Variants in RASGRF1 observed in about 807,000 individuals in gnomAD.
The protein encoded by RASGRF1 is ras-specific guanine nucleotide-releasing factor 1.
A neutral mutation model predicts 138.7 loss-of-function variants in RASGRF1; 40 were observed. The observed-to-expected ratio is 0.29, with a 90% CI of 0.22 to 0.38. The LOEUF (loss-of-function observed/expected upper bound fraction) is 0.38, where lower values mean the gene tolerates loss of function less well. Ranked by LOEUF, RASGRF1 falls within the 10% of genes least tolerant of loss-of-function variation. The pLI, the probability that RASGRF1 is intolerant of heterozygous loss-of-function variation, is 1.00. For synonymous variants in RASGRF1, 614 were observed against 663.2 expected, an observed-to-expected ratio of 0.93 and a Z score of 1.14; for missense variants, 1,108 against 1,650.4, an observed-to-expected ratio of 0.67 and a Z score of 5.69.
rs1265424204 is a variant in RASGRF1 at position 79,032,940 on chromosome 15, T to C, written c.959-624A>G. ...TGAGACAGAAGTGGCCTATCTGAGG[T>C]CACAGGGCAAGTCAGCAGCCGGCCT... On this transcript the variant is annotated intron_variant, in intron 6 of 26. Coordinates refer to ENST00000558480, the MANE Select transcript of RASGRF1 (RefSeq NM_001145648.3). The surrounding 1 kb of genome is among the most constrained non-coding windows in gnomAD (Gnocchi z 4.5). 6.6e-6 allele frequency among the ~76,000 whole-genome samples: 1 copy of C among 152,138 alleles called. No homozygotes were observed. The highest frequency in any genetic ancestry group is 1.9e-4 in the East Asian group (1 of 5,188).
At chr15:79,066,398 C>T (rs2057681438) in intron 1 of RASGRF1, among the ~76,000 whole-genome samples, 1 of 152,194 alleles carries the variant, frequency 6.6e-6, no homozygotes, top group African/African-American at 2.4e-5. Flanking sequence ...GCAAAGTCCC[C>T]ACCTCAGGGA....
At chr15:78,985,335 A>G (rs889471831) in intron 22 of RASGRF1, 131 bp from the exon 23 acceptor site, 3 of 990,246 alleles carry the variant, frequency 3.0e-6, no homozygotes, top group Non-Finnish European at 4.4e-6. Context: ...GAGAACAACT[A>G]ACAGAGCTTG....
In RASGRF1 at chr15:79,047,018, G is replaced by C; in HGVS notation, c.625-19C>G. 11 of 1,602,792 alleles carry C rather than the reference G, an allele frequency of 6.9e-6. No homozygotes were observed. The highest frequency in any genetic ancestry group is 9.4e-6 in the Non-Finnish European group (11 of 1,174,258). ...TCTGCACCTGAGCAGCAAGACCGGT[G>C]GGGAGAGGCTCCTGTCAGGGAGTCT... is the stretch of plus-strand genomic sequence containing the variant. On this transcript the variant is annotated intron_variant, in intron 4 of 26. Transcript: ENST00000558480.
chr15:78,978,923 C>T, intron 24 of RASGRF1: 3 of 1,272,252 alleles, frequency 2.4e-6, no homozygotes, highest in Non-Finnish European at 3.1e-6. Flanking sequence ...GGGAGAGACA[C>T]TTACACGGGC....
intron 13 of RASGRF1, among the ~76,000 whole-genome samples, chr15:79,008,615 G>A (rs1193108898): frequency 6.6e-6 from 1 of 152,184 alleles, no homozygotes; most frequent in Non-Finnish European, 1.5e-5. Flanking sequence ...GACGGATGCA[G>A]CAAATGGCAG....
At chr15:79,028,798 T>C (rs1418343816) in intron 8 of RASGRF1, among the ~76,000 whole-genome samples, 2 of 152,258 alleles carry the variant, frequency 1.3e-5, no homozygotes, top group Non-Finnish European at 2.9e-5. Flanking sequence ...GGCTGGTTAA[T>C]ATGTGCGGCT....
At chr15:78,962,648 T>A (rs949548462) in intron 26 of RASGRF1, among the ~76,000 whole-genome samples, 3 of 152,180 alleles carry the variant, frequency 2.0e-5, no homozygotes, top group African/African-American at 7.2e-5. Context: ...TTTGGGAGGC[T>A]GAGGCAGGAG....
chr15:79,047,345 C>T (rs890706222), intron 4 of RASGRF1, among the ~76,000 whole-genome samples: 2 of 152,180 alleles, frequency 1.3e-5, no homozygotes, highest in Non-Finnish European at 2.9e-5. Context: ...TTTAACAAGA[C>T]CCCTGGGTTG....
chr15:79,049,834 G>A (rs1163379633), intron 3 of RASGRF1, among the ~76,000 whole-genome samples: 1 of 152,166 alleles, frequency 6.6e-6, no homozygotes, highest in Non-Finnish European at 1.5e-5. Context: ...GGCCAGCTGG[G>A]CTGCCCAACC....
At chr15:79,018,183 C>T (rs1435739590) in intron 11 of RASGRF1, among the ~76,000 whole-genome samples, 1 of 152,270 alleles carries the variant, frequency 6.6e-6, no homozygotes, top group Non-Finnish European at 1.5e-5. Flanking sequence ...GCCCTCATTA[C>T]ACCAATGGAG....
chr15:79,005,785 C>T (rs1351076973), intron 14 of RASGRF1: 1 of 314,038 alleles, frequency 3.2e-6, no homozygotes, highest in African/African-American at 2.3e-5. Flanking sequence ...TTCTTTCTCC[C>T]TCTCCCTCTC....
intron 8 of RASGRF1, among the ~76,000 whole-genome samples, chr15:79,030,810 C>T (rs1476162512): frequency 6.6e-6 from 1 of 152,268 alleles, no homozygotes; most frequent in African/African-American, 2.4e-5. Flanking sequence ...TGGATGACCA[C>T]AGTCATCTGC....
chr15:78,982,757 C>T (rs1246575823), intron 23 of RASGRF1, among the ~76,000 whole-genome samples: 4 of 152,112 alleles, frequency 2.6e-5, no homozygotes, highest in African/African-American at 9.7e-5. Flanking sequence ...AGGCCAAAAT[C>T]GATTGTTAGC....
chr15:78,993,354 T>G (rs2056320773), intron 20 of RASGRF1, among the ~76,000 whole-genome samples: 1 of 129,018 alleles, frequency 7.8e-6, no homozygotes, highest in African/African-American at 2.9e-5. Context: ...GTGTGTGTGG[T>G]GTGTGTTTGG....
chr15:79,084,948 G>A (rs1161442699), intron 1 of RASGRF1, among the ~76,000 whole-genome samples: 1 of 151,982 alleles, frequency 6.6e-6, no homozygotes, highest in East Asian at 1.9e-4. Flanking sequence ...TTTTTTAATC[G>A]TAAAGACCCC....
At chr15:79,054,034 AT>A (rs896222240) in intron 3 of RASGRF1, among the ~76,000 whole-genome samples, 6 of 152,242 alleles carry the variant, frequency 3.9e-5, no homozygotes, top group Non-Finnish European at 8.8e-5. Flanking sequence ...AGCTCAGCCC[AT>A]TTCAAGCTAC....
chr15:79,051,792 C>A (rs1241245074), intron 3 of RASGRF1, among the ~76,000 whole-genome samples: 1 of 152,196 alleles, frequency 6.6e-6, no homozygotes, highest in Non-Finnish European at 1.5e-5. Context: ...AAGGATCAAG[C>A]TAAGTGGGCA....
chr15:79,035,963 C>T (rs1327921881), intron 5 of RASGRF1, among the ~76,000 whole-genome samples: 1 of 152,228 alleles, frequency 6.6e-6, no homozygotes, highest in Non-Finnish European at 1.5e-5. Flanking sequence ...GTGCTGAACT[C>T]GTATTCTCAT....
At position 79,025,383 on chromosome 15, in the gene RASGRF1, C is replaced by T. The variant is rs749644751; in HGVS notation, c.1473G>A (p.Gln491=). The T allele has an allele frequency of 2.5e-6, 4 of 1,614,104 alleles. No individual in the cohort carries two copies. The highest frequency in any genetic ancestry group is 2.5e-6 in the Non-Finnish European group (3 of 1,179,968). ...TCAGATGCTTAGAAAACAGGAAGCACTGTCGCTCGCCCTCTTTCTTTAGGG... is the reference window on the plus strand; with the variant it reads ...TCAGATGCTTAGAAAACAGGAAGCATTGTCGCTCGCCCTCTTTCTTTAGGG... ...SLSLKKEGER[Q]CFLFSKHLII... The change falls in exon 10 of 27, where the codon CAG becomes CAA. Residue 491 remains glutamine (Q), a synonymous_variant. Transcript: ENST00000558480.
Sources: allele counts gnomAD v4.1 joint callset (sites outside exome capture counted in the v4.1 genomes callset), GRCh38; gene constraint gnomAD v4.1.1; non-coding constraint Gnocchi (gnomAD v3.1); transcripts MANE v1.5; gene names NCBI Gene and HGNC (gene_info 2026-07-23, HGNC 2026-07-21).